Variants in HGF observed in about 807,000 individuals in gnomAD.
HGF encodes fibroblast-derived tumor cytotoxic factor.
A neutral mutation model predicts 111.6 loss-of-function variants in HGF; 39 were observed. The observed-to-expected ratio is 0.35, with a 90% confidence interval of 0.27 to 0.46. The LOEUF is 0.46. HGF is among the 20% of genes least tolerant of loss of function. HGF has a pLI of 1.00. For synonymous variants in HGF, 285 were observed against 294.8 expected (o/e 0.97, Z 0.34); for missense variants, 735 against 910.5 (o/e 0.81, Z 2.48).
rs1386582873 is a variant in HGF at position 81,701,240 on chromosome 7, CTT to C, written c.*1339_*1340del. On this transcript the variant is annotated 3_prime_UTR_variant, in exon 18 of 18. Coordinates refer to ENST00000222390, the MANE Select transcript of HGF (RefSeq NM_000601.6). ...ATGAAATAAGAAAAAATAAACATAT[CTT>C]GATAAAATATCTGATTCAACAGATT... 1 of 151,100 alleles carries C rather than the reference CTT, an allele frequency of 6.6e-6. No individual in the cohort carries two copies. Among genetic ancestry groups the C allele is most frequent in the Non-Finnish European group, 1.5e-5 (1 of 67,502 alleles). 9.4% of individuals were successfully genotyped at this position (151,100 alleles called of 1,614,324 possible). A position where few individuals can be genotyped will look rare whatever the true frequency, so the allele number is the denominator to read the frequency against.
At chr7:81,756,087 G>C (rs1479471459) in intron 4 of HGF, 1 of 700,786 alleles carries the variant, frequency 1.4e-6, no homozygotes, top group East Asian at 2.7e-5. Context: ...TCACAGCATG[G>C]GTTCTACTGA....
At chr7:81,712,254 G>T (rs1224368159) in intron 11 of HGF, among the ~76,000 whole-genome samples, 2 of 151,908 alleles carry the variant, frequency 1.3e-5, no homozygotes, top group Non-Finnish European at 2.9e-5. Context: ...ATATTGATAG[G>T]CCATTTGCTT....
chr7:81,717,449 G>A (rs951944899), intron 10 of HGF, 84 bp from the exon 11 acceptor site: 22 of 1,289,478 alleles, frequency 1.7e-5, no homozygotes, highest in African/African-American at 2.9e-5. Flanking sequence ...TATAATCTCA[G>A]CACATTACTT....
chr7:81,730,566 C>T (rs938042265), intron 7 of HGF, among the ~76,000 whole-genome samples: 1 of 152,138 alleles, frequency 6.6e-6, no homozygotes, highest in Admixed American at 6.6e-5. Context: ...AGATCTATCT[C>T]CTGCTTTTTT....
In HGF at chr7:81,702,036, A is replaced by G. The variant is rs1355861488; in HGVS notation, c.*545T>C. 1.7e-5 allele frequency: 3 copies of G among 180,456 alleles called. No individual in the cohort carries two copies. The highest frequency in any genetic ancestry group is 5.0e-5 in the African/African-American group (2 of 40,094). The allele number at this position is 180,456 out of a possible 1,614,324, so 11.2% of individuals were successfully genotyped here. On this transcript the variant is annotated 3_prime_UTR_variant, in exon 18 of 18. Transcript: ENST00000222390. Reference sequence around the variant, plus strand: ...CACATGTGTACCTAGGCATGTGTACATGGGTATGTGGTTTTGTAAAAAGTG... The same window carrying G: ...CACATGTGTACCTAGGCATGTGTACGTGGGTATGTGGTTTTGTAAAAAGTG...
intron 1 of HGF, among the ~76,000 whole-genome samples, chr7:81,768,580 C>T (rs1386778890): frequency 6.6e-6 from 1 of 152,152 alleles, no homozygotes; most frequent in Non-Finnish European, 1.5e-5. Flanking sequence ...AGGGTTTCAC[C>T]TTGTTAGCTA....
At chr7:81,713,240 T>C (rs993461883) in intron 11 of HGF, among the ~76,000 whole-genome samples, 5 of 152,138 alleles carry the variant, frequency 3.3e-5, no homozygotes, top group Non-Finnish European at 5.9e-5. Flanking sequence ...TTTGTAGATA[T>C]GGCCTTGCGT....
intron 1 of HGF, among the ~76,000 whole-genome samples, chr7:81,767,023 A>C (rs536688420): frequency 6.6e-6 from 1 of 152,000 alleles, no homozygotes; most frequent in Non-Finnish European, 1.5e-5. Flanking sequence ...CCTTCCTGGG[A>C]CATTCCTTAT....
At chr7:81,751,246 C>G (rs769835541) in intron 5 of HGF, 1 of 981,662 alleles carries the variant, frequency 1.0e-6, no homozygotes, top group Non-Finnish European at 1.2e-6. Context: ...CCCAAATACT[C>G]CAAAATCCTA....
chr7:81,760,541 T>C (rs1006976241), intron 2 of HGF, among the ~76,000 whole-genome samples: 2 of 152,248 alleles, frequency 1.3e-5, no homozygotes, highest in African/African-American at 4.8e-5. Context: ...TAAATAATTA[T>C]GTTTTATATA....
chr7:81,735,764 T>G (rs951193240), intron 7 of HGF, among the ~76,000 whole-genome samples: 2 of 152,068 alleles, frequency 1.3e-5, no homozygotes, highest in African/African-American at 2.4e-5. Context: ...ATTTATCTTC[T>G]CACATTGCTG....
chr7:81,730,410 G>A (rs1369851157), intron 7 of HGF, among the ~76,000 whole-genome samples: 2 of 152,146 alleles, frequency 1.3e-5, no homozygotes, highest in South Asian at 2.1e-4. Context: ...AGCCAAGATC[G>A]TGCCATTGCA....
intron 13 of HGF, among the ~76,000 whole-genome samples, chr7:81,708,546 T>TTTG (rs1350002015): frequency 7.2e-6 from 1 of 138,084 alleles, no homozygotes; most frequent in Non-Finnish European, 1.5e-5. Flanking sequence ...TTTTTTTTTT[T>TTTG]TTTTTTGAGA....
At chr7:81,750,913 G>C (rs1266098106) in intron 5 of HGF, 1 of 875,034 alleles carries the variant, frequency 1.1e-6, no homozygotes, top group Non-Finnish European at 1.4e-6. Flanking sequence ...TCATAGAAAA[G>C]TTTATTATTT....
At chr7:81,757,447 TA>T (rs2116186915) in intron 3 of HGF, 144 bp from the exon 4 acceptor site, 2 of 636,194 alleles carry the variant, frequency 3.1e-6, no homozygotes, top group East Asian at 5.4e-5. Context: ...AAGCTTCTAC[TA>T]GTATTTTCAA....
chr7:81,746,553 G>A (rs559102820), intron 5 of HGF, among the ~76,000 whole-genome samples: 9 of 152,004 alleles, frequency 5.9e-5, no homozygotes, highest in East Asian at 1.9e-4. Flanking sequence ...TTGTTCCTTC[G>A]TGTTGGATGA....
rs1012666822 is a variant in HGF at position 81,729,687 on chromosome 7, T to G, written c.958A>C (p.Ile320Leu). Residue 320 changes from isoleucine (I) to leucine (L), a missense_variant, in exon 8 of 18, where the codon ATT (isoleucine) becomes CTT (leucine). Ile to Leu is a conservative substitution (Grantham distance 5). Transcript: ENST00000222390. ...GEGYRGTVNTIWNGIPCQRWD... is the reference protein window; with the variant it reads ...GEGYRGTVNTLWNGIPCQRWD... The stretch of plus-strand genomic sequence containing the variant: ...CGCTGACATGGAATTCCATTCCAAA[T>G]GGTATTGACAGTGCCCCTGTAGCCT... 1 of 1,613,746 alleles carries G rather than the reference T, an allele frequency of 6.2e-7. No individual in the cohort carries two copies. The highest frequency in any genetic ancestry group is 8.5e-7 in the Non-Finnish European group (1 of 1,179,778).
At chr7:81,744,918 G>A (rs1788169078) in intron 6 of HGF, 82 bp downstream of exon 6, 2 of 1,449,850 alleles carry the variant, frequency 1.4e-6, no homozygotes, top group Admixed American at 3.4e-5. Flanking sequence ...ATAATATAAA[G>A]AGAATTTCCA....
chr7:81,731,725 A>C (rs1356135679), intron 7 of HGF, among the ~76,000 whole-genome samples: 2 of 152,134 alleles, frequency 1.3e-5, no homozygotes. Flanking sequence ...AAAGGTGATA[A>C]CTCTAAAACA....
Sources: gnomAD v4.1 joint callset for allele counts (sites outside exome capture counted in the v4.1 genomes callset) on GRCh38, gnomAD v4.1.1 for gene constraint, MANE v1.5 for transcripts, NCBI Gene and HGNC (gene_info 2026-07-23, HGNC 2026-07-21) for gene names.